INPP4A: variants seen among roughly 807,000 people sequenced by gnomAD.
INPP4A encodes the protein inositol polyphosphate-4-phosphatase, type I, 107kD.
Under a neutral mutation model 119.8 loss-of-function variants are expected in INPP4A, and 33 were observed. The observed-to-expected ratio is 0.28, with a 90% CI of 0.21 to 0.37. The LOEUF is 0.37. Ranked by LOEUF, INPP4A falls within the 10% of genes least tolerant of loss-of-function variation. The pLI is 1.00. For missense variants in INPP4A, 956 were observed against 1,289.9 expected, an observed-to-expected ratio of 0.74 and a Z score of 3.97; for synonymous variants, 496 against 500.7, an observed-to-expected ratio of 0.99 and a Z score of 0.12.
chr2:98,462,245 G>T (rs1673716046), intron 1 of INPP4A, among the ~76,000 whole-genome samples: 2 of 152,170 alleles, frequency 1.3e-5, no homozygotes, highest in African/African-American at 4.8e-5. Context: ...TCAGGACATC[G>T]AGACCATCCT....
chr2:98,556,457 A>G (rs1694508738), intron 16 of INPP4A, among the ~76,000 whole-genome samples: 1 of 152,244 alleles, frequency 6.6e-6, no homozygotes, highest in Admixed American at 6.5e-5. Context: ...CTGCAGAGAC[A>G]CAGCATACCA....
At chr2:98,565,608 G>C (rs753812655) in intron 19 of INPP4A, 32 bp from the exon 20 acceptor site, 1 of 1,579,532 alleles carries the variant, frequency 6.3e-7, no homozygotes, top group Non-Finnish European at 8.6e-7. Context: ...AGGGCCCTCT[G>C]CCTGACAGCC....
rs997443673 is a variant in INPP4A at position 98,588,134 on chromosome 2, T to C, written c.*526T>C. On this transcript the variant is annotated 3_prime_UTR_variant, in exon 25 of 25. Transcript: ENST00000409851. ...CTCATGCAGTGAGAATAACGGGTTC[T>C]AGTGAATTATCCTATCTACACTACC... is the stretch of plus-strand genomic sequence containing the variant. 4.7e-6 allele frequency: 1 copy of C among 211,568 alleles called. No individual in the cohort carries two copies. The highest frequency in any genetic ancestry group is 9.6e-6 in the Non-Finnish European group (1 of 104,512). The allele number at this position is 211,568 out of a possible 1,614,324, so 13.1% of individuals were successfully genotyped here.
chr2:98,558,119 C>T (rs1694822572), intron 16 of INPP4A, among the ~76,000 whole-genome samples: 1 of 152,178 alleles, frequency 6.6e-6, no homozygotes, highest in African/African-American at 2.4e-5. Flanking sequence ...GCCATTATTC[C>T]AGGAGTACCA....
chr2:98,554,463 C>G lies in INPP4A; in HGVS notation c.1540C>G (p.Gln514Glu), dbSNP rs1002778449. The change falls in exon 15 of 25, where the codon CAG becomes GAG. Residue 514 changes from glutamine to glutamate, a missense_variant. Physicochemically the swap from Gln to Glu is conservative, Grantham distance 29. Transcript: ENST00000409851. This position sits in a 1 kb window ranked among gnomAD's most constrained non-coding sequence, Gnocchi z 4.7. ...AGGGAGAAACAGCCGATCTTCCCTG[C>G]AGGTGGACTGGCACGAGGAGGAGTG... ...WTGRNSRSSL[Q>E]VDWHEEEWEK... 1.2e-6 allele frequency: 2 copies of G among 1,613,660 alleles called. No homozygotes were observed. The highest frequency in any genetic ancestry group is 1.7e-6 in the Non-Finnish European group (2 of 1,179,840).
chr2:98,587,551 G>A lies in INPP4A; in HGVS notation c.2862G>A (p.Lys954=). Residue 954 remains lysine (K), a synonymous_variant, in exon 25 of 25, where the codon AAG becomes AAA. Transcript: ENST00000409851. The part of the protein sequence containing the change: ...RKYAFNSLQL[K]AFPKHYRPPE... ...ATGCATTTAATTCCCTGCAGCTGAA[G>A]GCTTTCCCCAAGCATTACAGGCCTC... is the stretch of plus-strand genomic sequence containing the variant. The A allele has an allele frequency of 6.2e-7, 1 of 1,609,156 alleles. No individual in the cohort carries two copies. Among genetic ancestry groups the A allele is most frequent in the African/African-American group, 1.3e-5 (1 of 74,770 alleles).
intron 1 of INPP4A, among the ~76,000 whole-genome samples, chr2:98,516,555 G>C (rs963921707): frequency 6.6e-6 from 1 of 152,134 alleles, no homozygotes; most frequent in African/African-American, 2.4e-5. Flanking sequence ...GTGTCCCTCT[G>C]TTAGGTGGCC....
intron 1 of INPP4A, among the ~76,000 whole-genome samples, chr2:98,497,326 C>T (rs1023436479): frequency 1.3e-5 from 2 of 152,220 alleles, no homozygotes; most frequent in African/African-American, 4.8e-5. Context: ...TCTGCTAGGG[C>T]AGTGCAGAAG....
chr2:98,528,581 C>T (rs1408851427), intron 4 of INPP4A, among the ~76,000 whole-genome samples: 1 of 146,446 alleles, frequency 6.8e-6, no homozygotes, highest in Non-Finnish European at 1.5e-5. Context: ...ATAGGATAAA[C>T]TCAAAGAGAT....
intron 4 of INPP4A, among the ~76,000 whole-genome samples, chr2:98,528,214 T>C (rs76687731): frequency 1.1e-3 from 174 of 152,140 alleles, no homozygotes; most frequent in African/African-American, 3.8e-3. Context: ...TATAAAGATA[T>C]CTAAATACAA....
rs562667727 is a variant in INPP4A at position 98,579,260 on chromosome 2, G to A, written c.2786+2117G>A. On this transcript the variant is annotated intron_variant, in intron 24 of 24. Coordinates refer to ENST00000409851, the MANE Select transcript of INPP4A (RefSeq NM_001134225.2). ...GAAACGGGGTTTGGCCATGTTGGCCGGGATGTTCTCAAACTCCTGACCTCA... is the reference window on the plus strand; with the variant it reads ...GAAACGGGGTTTGGCCATGTTGGCCAGGATGTTCTCAAACTCCTGACCTCA... 5.3e-5 allele frequency among the ~76,000 whole-genome samples: 8 copies of A among 152,156 alleles called. No individual in the cohort carries two copies. In the South Asian group the frequency reaches 1.0e-3, roughly 20 times the overall value.
At chr2:98,497,578 C>T (rs1682268458) in intron 1 of INPP4A, among the ~76,000 whole-genome samples, 1 of 152,176 alleles carries the variant, frequency 6.6e-6, no homozygotes, top group South Asian at 2.1e-4. Flanking sequence ...AGATCTTTTG[C>T]CCATTTTTAA....
At chr2:98,563,936 T>TC (rs1695966734) in intron 18 of INPP4A, among the ~76,000 whole-genome samples, 1 of 149,074 alleles carries the variant, frequency 6.7e-6, no homozygotes, top group Non-Finnish European at 1.5e-5. Flanking sequence ...TTGCTGCGTT[T>TC]TTTTTTTTTT....
Position 98,448,976 on chromosome 2 carries a change from T to C in INPP4A, c.-166+3891T>C, listed in dbSNP as rs544116653. Among the ~76,000 whole-genome samples, 29 of 152,340 alleles carry C rather than the reference T, an allele frequency of 1.9e-4. No homozygotes were observed. In the South Asian group the frequency reaches 5.4e-3, roughly 28 times the overall value. On this transcript the variant is annotated intron_variant, in intron 1 of 24. Transcript: ENST00000409851. ...CGTTGGCCGACCACAGTGCTGAGTT[T>C]ACAGGCGTGAGCCACTGTGCCCGAA...
In INPP4A at chr2:98,462,547, A is replaced by T. The variant is rs146609612; in HGVS notation, c.-166+17462A>T. On this transcript the variant is annotated intron_variant, in intron 1 of 24. Transcript: ENST00000409851. ...TAATTATTATTGTTTTTTTTTTGAG[A>T]CAGGGTGTCACTCTGTCAACCAGAC... Among the ~76,000 whole-genome samples the T allele has an allele frequency of 5.2e-3, 790 of 151,104 alleles. 12 individuals are homozygous for T. Among genetic ancestry groups the T allele is most frequent in the African/African-American group, 0.018 (734 of 41,248 alleles).
At position 98,582,062 on chromosome 2, in the gene INPP4A, G is replaced by A. The variant is rs190131002; in HGVS notation, c.2786+4919G>A. ...TTGTACCACGTCTCTACCTTCTGAT[G>A]TACAACTATTTATCACCTGTACCTC... On this transcript the variant is annotated intron_variant, in intron 24 of 24. Coordinates refer to ENST00000409851, the MANE Select transcript of INPP4A (RefSeq NM_001134225.2). Among the ~76,000 whole-genome samples, 2 of 152,134 alleles carry A rather than the reference G, an allele frequency of 1.3e-5. 1 individual carries two copies. The highest frequency in any genetic ancestry group is 1.3e-4 in the Admixed American group (2 of 15,262).
intron 16 of INPP4A, among the ~76,000 whole-genome samples, chr2:98,558,527 C>T (rs959160333): frequency 2.6e-5 from 4 of 152,122 alleles, no homozygotes; most frequent in East Asian, 1.9e-4. Context: ...CTTCCAAAGA[C>T]GATTAGAGAG....
intron 24 of INPP4A, among the ~76,000 whole-genome samples, 174 bp from the exon 25 acceptor site, chr2:98,587,302 T>G (rs1415325709): frequency 1.3e-5 from 2 of 152,230 alleles, no homozygotes; most frequent in Non-Finnish European, 2.9e-5. Flanking sequence ...CTTAATTGCC[T>G]TGTTCAGAAA....
rs1575131955 is a variant in INPP4A at position 98,570,122 on chromosome 2, G to A, written c.2518+1454G>A. Among the ~76,000 whole-genome samples the A allele has an allele frequency of 6.6e-6, 1 of 152,282 alleles. No individual in the cohort carries two copies. Among genetic ancestry groups the A allele is most frequent in the South Asian group, 2.1e-4 (1 of 4,822 alleles). On this transcript the variant is annotated intron_variant, in intron 22 of 24. Coordinates refer to ENST00000409851, the MANE Select transcript of INPP4A (RefSeq NM_001134225.2). The surrounding 1 kb of genome is among the most constrained non-coding windows in gnomAD (Gnocchi z 4.3). Reference sequence around the variant, plus strand: ...GGAGTTGCCGGCAACAGCTGGGGCCGTCCCGCTGATGAGAGAGGCGCAGGG... The same window carrying A: ...GGAGTTGCCGGCAACAGCTGGGGCCATCCCGCTGATGAGAGAGGCGCAGGG...
Sources: allele counts gnomAD v4.1 joint callset (sites outside exome capture counted in the v4.1 genomes callset), GRCh38; gene constraint gnomAD v4.1.1; non-coding constraint Gnocchi (gnomAD v3.1); transcripts MANE v1.5; gene names NCBI Gene and HGNC (gene_info 2026-07-23, HGNC 2026-07-21).